The following PCDHA9 variants were observed in gnomAD, a reference collection of about 807,000 sequenced individuals.
PCDHA9 encodes the protein protocadherin alpha 9, also known as protocadherin alpha-9.
In PCDHA9, 62 loss-of-function variants were observed where a neutral mutation model predicts 62.0. The observed-to-expected ratio is 1.00, with a 90% CI of 0.81 to 1.23. The LOEUF is 1.23. Among genes scored for constraint, PCDHA9 ranks in the 50% most tolerant of loss-of-function variants. PCDHA9 has a pLI of 0.00. For missense variants in PCDHA9, 1,205 were observed against 1,249.8 expected (o/e 0.96, Z 0.54); for synonymous variants, 557 against 567.6 (o/e 0.98, Z 0.27).
chr5:140,929,033 G>A (rs2085746479), intron 1 of PCDHA9: 1 of 1,614,186 alleles, frequency 6.2e-7, no homozygotes, highest in Non-Finnish European at 8.5e-7. Flanking sequence ...CCAGGCTGTT[G>A]CGCTCAGAGC....
At chr5:141,004,935 A>C (rs1554259817) in intron 3 of PCDHA9, among the ~76,000 whole-genome samples, 1 of 152,112 alleles carries the variant, frequency 6.6e-6, no homozygotes, top group African/African-American at 2.4e-5. Flanking sequence ...GAGAGAAGAA[A>C]ATTTCTTACC....
At chr5:140,875,997 T>C in intron 1 of PCDHA9, 13 of 1,613,924 alleles carry the variant, frequency 8.1e-6, no homozygotes, top group South Asian at 1.1e-5. Context: ...TAAGTCTAAA[T>C]GAGAATTTTG....
chr5:140,875,738 G>T lies in PCDHA9; in HGVS notation c.2394+24849G>T, dbSNP rs1197047985. 12 of 1,614,086 alleles carry T rather than the reference G, an allele frequency of 7.4e-6. No homozygotes were observed. The highest frequency in any genetic ancestry group is 3.3e-5 in the Admixed American group (2 of 60,008). ...AATGGCATTTTGTTTGTGAATTCTC[G>T]GATCGACCGCGAGAAGCTGTGCGGG... On this transcript the variant is annotated intron_variant, in intron 1 of 3. Coordinates refer to ENST00000532602, the MANE Select transcript of PCDHA9 (RefSeq NM_031857.2).
intron 1 of PCDHA9, among the ~76,000 whole-genome samples, chr5:140,879,771 G>A (rs1413027496): frequency 6.6e-6 from 1 of 152,156 alleles, no homozygotes; most frequent in Admixed American, 6.5e-5. Flanking sequence ...GGAGGCCCCA[G>A]GGAAGAATCT....
chr5:140,999,995 A>G (rs1174530266), intron 3 of PCDHA9, among the ~76,000 whole-genome samples: 1 of 152,068 alleles, frequency 6.6e-6, no homozygotes, highest in Non-Finnish European at 1.5e-5. Flanking sequence ...GGGTAGTGGT[A>G]TTAGATTGGC....
At chr5:140,941,624 T>A (rs2093131699) in intron 1 of PCDHA9, among the ~76,000 whole-genome samples, 1 of 151,964 alleles carries the variant, frequency 6.6e-6, no homozygotes, top group Non-Finnish European at 1.5e-5. Flanking sequence ...CCATCCTGCT[T>A]CTTAATTTCT....
At chr5:140,922,139 C>T (rs2080663133) in intron 1 of PCDHA9, among the ~76,000 whole-genome samples, 1 of 151,854 alleles carries the variant, frequency 6.6e-6, no homozygotes, top group South Asian at 2.1e-4. Flanking sequence ...TCTTATCCTC[C>T]ATGAAACTCA....
At chr5:140,967,695 T>G in intron 1 of PCDHA9, 1 of 1,614,184 alleles carries the variant, frequency 6.2e-7, no homozygotes, top group Non-Finnish European at 8.5e-7. Flanking sequence ...CTCTTCAGCA[T>G]AGATGCCAGT....
intron 1 of PCDHA9, chr5:140,861,489 T>C (rs1263329401): frequency 2.0e-6 from 1 of 487,812 alleles, no homozygotes; most frequent in Non-Finnish European, 4.2e-6. Flanking sequence ...TTTTGTGAGT[T>C]CTCTGATAGA....
chr5:140,949,074 C>T (rs2094343019), intron 1 of PCDHA9, among the ~76,000 whole-genome samples: 1 of 151,780 alleles, frequency 6.6e-6, no homozygotes, highest in African/African-American at 2.4e-5. Flanking sequence ...AACTCTTTCA[C>T]CCATTTATTA....
At chr5:140,925,740 G>T (rs1008956010) in intron 1 of PCDHA9, among the ~76,000 whole-genome samples, 19 of 151,764 alleles carry the variant, frequency 1.3e-4, no homozygotes, top group African/African-American at 4.6e-4. Flanking sequence ...AATATTTACA[G>T]AAAGAAAATT....
chr5:140,893,958 T>C (rs1391607597), intron 1 of PCDHA9, among the ~76,000 whole-genome samples: 2 of 152,228 alleles, frequency 1.3e-5, no homozygotes, highest in African/African-American at 4.8e-5. Flanking sequence ...ACTTTATTAG[T>C]CATTAGATAC....
At chr5:140,872,497 C>T (rs1554166232) in intron 1 of PCDHA9, among the ~76,000 whole-genome samples, 1 of 152,150 alleles carries the variant, frequency 6.6e-6, no homozygotes, top group Non-Finnish European at 1.5e-5. Flanking sequence ...CCTAGTGGTG[C>T]ATGCCTGTAG....
At chr5:140,911,654 T>C (rs1554194855) in intron 1 of PCDHA9, among the ~76,000 whole-genome samples, 1 of 152,218 alleles carries the variant, frequency 6.6e-6, no homozygotes, top group Non-Finnish European at 1.5e-5. Flanking sequence ...ATAGAGTTAC[T>C]AAACTCCTTG....
chr5:140,870,344 G>A (rs782661960), intron 1 of PCDHA9: 1 of 1,614,196 alleles, frequency 6.2e-7, no homozygotes, highest in Admixed American at 1.7e-5. Flanking sequence ...GCCCTGGACC[G>A]CGAGAACGTG....
chr5:140,853,351 C>T, intron 1 of PCDHA9: 1 of 982,872 alleles, frequency 1.0e-6, no homozygotes, highest in Non-Finnish European at 1.2e-6. Context: ...CAAACATGAA[C>T]TCACAGGGAT....
intron 1 of PCDHA9, among the ~76,000 whole-genome samples, chr5:140,887,104 T>G (rs1554182871): frequency 6.6e-6 from 1 of 151,604 alleles, no homozygotes; most frequent in Admixed American, 6.6e-5. Flanking sequence ...TTTATCTCTT[T>G]TTTTTTTTTT....
intron 3 of PCDHA9, among the ~76,000 whole-genome samples, chr5:141,000,510 C>G (rs1197965439): frequency 5.6e-5 from 8 of 143,864 alleles, no homozygotes; most frequent in South Asian, 4.5e-4. Context: ...TCACTGCAAC[C>G]TCCTTCTCCA....
chr5:140,906,662 G>A (rs1186000828), intron 1 of PCDHA9, among the ~76,000 whole-genome samples: 1 of 152,200 alleles, frequency 6.6e-6, no homozygotes, highest in Non-Finnish European at 1.5e-5. Context: ...TCCTGGTGTA[G>A]TGACCCAAAC....
Sources: gnomAD v4.1 joint callset for allele counts (sites outside exome capture counted in the v4.1 genomes callset) on GRCh38, gnomAD v4.1.1 for gene constraint, MANE v1.5 for transcripts, NCBI Gene and HGNC (gene_info 2026-07-23, HGNC 2026-07-21) for gene names.